ANKIB1: variants seen among roughly 807,000 people sequenced by gnomAD.
The protein encoded by ANKIB1 is ankyrin repeat and IBR domain containing 1, also known as ankyrin repeat and IBR domain-containing protein 1.
ANKIB1 carries 43 observed loss-of-function variants against 122.1 expected under a neutral mutation model. That is an observed-to-expected ratio of 0.35 (90% confidence interval 0.28 to 0.45). The LOEUF is 0.45. ANKIB1 is among the 20% of genes least tolerant of loss of function. The pLI is 1.00. For synonymous variants in ANKIB1, 390 were observed against 442.0 expected, an observed-to-expected ratio of 0.88 and a Z score of 1.48; for missense variants, 992 against 1,329.5, an observed-to-expected ratio of 0.75 and a Z score of 3.95.
At chr7:92,266,680 A>G (rs753631704) in intron 1 of ANKIB1, among the ~76,000 whole-genome samples, 7 of 152,084 alleles carry the variant, frequency 4.6e-5, no homozygotes, top group Non-Finnish European at 8.8e-5. Flanking sequence ...GGGGGAAAAA[A>G]CTGTAGACCT....
At chr7:92,296,323 A>G (rs1330062989) in intron 2 of ANKIB1, among the ~76,000 whole-genome samples, 1 of 151,906 alleles carries the variant, frequency 6.6e-6, no homozygotes, top group African/African-American at 2.4e-5. Flanking sequence ...TCTAGACTCA[A>G]GCTATCCTCC....
chr7:92,288,771 T>C (rs1472430104), intron 1 of ANKIB1, among the ~76,000 whole-genome samples: 2 of 152,134 alleles, frequency 1.3e-5, no homozygotes, highest in African/African-American at 2.4e-5. Context: ...ATGTTCGACA[T>C]CATTCATCAT....
intron 2 of ANKIB1, among the ~76,000 whole-genome samples, chr7:92,302,137 T>C (rs1216805208): frequency 1.3e-5 from 2 of 152,100 alleles, no homozygotes; most frequent in Non-Finnish European, 2.9e-5. Context: ...TTTCACTGTG[T>C]TGGCCAGGCT....
chr7:92,344,730 A>G (rs1295723850), intron 6 of ANKIB1, among the ~76,000 whole-genome samples: 1 of 152,194 alleles, frequency 6.6e-6, no homozygotes, highest in African/African-American at 2.4e-5. Context: ...ATTAATACAT[A>G]AATTTGGAAT....
chr7:92,350,956 G>T lies in ANKIB1; in HGVS notation c.1092G>T (p.Leu364Phe). Residue 364 changes from leucine (L) to phenylalanine (F), a missense_variant, in exon 8 of 20, where the codon TTG (leucine) becomes TTT (phenylalanine). Physicochemically the swap from Leu to Phe is conservative, Grantham distance 22. This residue lies in a region of ANKIB1 where 521 missense variants were observed against 777.7 expected (regional missense o/e 0.67). Transcript: ENST00000265742. ...DFCRGCWESF[L>F]NLKIQEGEAH... Reference sequence around the variant, plus strand: ...CATTGATCCATTTTAATAGGTTTTTGAATCTGAAAATTCAAGAAGGTGAAG... The same window carrying T: ...CATTGATCCATTTTAATAGGTTTTTTAATCTGAAAATTCAAGAAGGTGAAG... 1.9e-6 allele frequency: 3 copies of T among 1,603,608 alleles called. No individual in the cohort carries two copies. The highest frequency in any genetic ancestry group is 1.7e-5 in the Admixed American group (1 of 58,126).
At chr7:92,382,043 A>T (rs1585136096) in intron 11 of ANKIB1, among the ~76,000 whole-genome samples, 1 of 152,084 alleles carries the variant, frequency 6.6e-6, no homozygotes, top group Non-Finnish European at 1.5e-5. Flanking sequence ...AGGGATGGAG[A>T]AAGATCTACC....
intron 1 of ANKIB1, among the ~76,000 whole-genome samples, chr7:92,268,044 T>C (rs960553449): frequency 2.0e-5 from 3 of 152,200 alleles, no homozygotes; most frequent in Non-Finnish European, 4.4e-5. Flanking sequence ...GTTTGCAAAC[T>C]TAACTATGAG....
At chr7:92,261,743 G>A (rs1308303266) in intron 1 of ANKIB1, among the ~76,000 whole-genome samples, 1 of 152,138 alleles carries the variant, frequency 6.6e-6, no homozygotes, top group Non-Finnish European at 1.5e-5. Flanking sequence ...GAGGAGTTAG[G>A]TTCCACAGAA....
chr7:92,267,002 C>T (rs760319387), intron 1 of ANKIB1, among the ~76,000 whole-genome samples: 106 of 152,126 alleles, frequency 7.0e-4, no homozygotes, highest in Non-Finnish European at 2.5e-4. Flanking sequence ...ACAGTTGGCA[C>T]ACATGGGATA....
intron 3 of ANKIB1, 84 bp downstream of exon 3, chr7:92,307,740 T>G: frequency 9.2e-7 from 1 of 1,081,708 alleles, no homozygotes; most frequent in Non-Finnish European, 1.2e-6. Flanking sequence ...TTTTTTTTGA[T>G]TGTCTTAGTA....
intron 1 of ANKIB1, among the ~76,000 whole-genome samples, chr7:92,285,496 CTA>C (rs1802101877): frequency 6.6e-6 from 1 of 152,258 alleles, no homozygotes. Flanking sequence ...TTGTGAAACT[CTA>C]TGTGCACTAT....
intron 1 of ANKIB1, among the ~76,000 whole-genome samples, chr7:92,271,585 T>A (rs1801794596): frequency 1.3e-5 from 2 of 152,172 alleles, no homozygotes; most frequent in African/African-American, 2.4e-5. Context: ...AAAACTTTTT[T>A]AAAAGAATAT....
chr7:92,313,220 A>G (rs1228093790), intron 3 of ANKIB1, among the ~76,000 whole-genome samples: 1 of 152,178 alleles, frequency 6.6e-6, no homozygotes, highest in African/African-American at 2.4e-5. Flanking sequence ...GTCAGATCAA[A>G]TAGAGGTCAC....
At chr7:92,334,735 T>C (rs1238399813) in intron 5 of ANKIB1, among the ~76,000 whole-genome samples, 3 of 151,950 alleles carry the variant, frequency 2.0e-5, no homozygotes, top group African/African-American at 7.2e-5. Flanking sequence ...TATGATATTT[T>C]ATAATATACT....
At chr7:92,374,485 A>C (rs565888928) in intron 11 of ANKIB1, among the ~76,000 whole-genome samples, 105 of 152,194 alleles carry the variant, frequency 6.9e-4, no homozygotes, top group Non-Finnish European at 1.0e-3. Flanking sequence ...TATCAAAAAA[A>C]GAAAGAAAGA....
At chr7:92,366,719 A>G (rs1470307873) in intron 10 of ANKIB1, among the ~76,000 whole-genome samples, 2 of 152,156 alleles carry the variant, frequency 1.3e-5, no homozygotes, top group Non-Finnish European at 2.9e-5. Context: ...AATTAGAGTA[A>G]TACATCTCCC....
chr7:92,330,638 C>T (rs573259900), intron 5 of ANKIB1, among the ~76,000 whole-genome samples: 38 of 152,014 alleles, frequency 2.5e-4, no homozygotes, highest in African/African-American at 8.2e-4. Flanking sequence ...GTCAGGAGAT[C>T]GAGACTATCC....
chr7:92,368,268 A>C (rs1804143109), intron 10 of ANKIB1, among the ~76,000 whole-genome samples: 1 of 151,494 alleles, frequency 6.6e-6, no homozygotes, highest in South Asian at 2.1e-4. Flanking sequence ...TTTATTATGA[A>C]GTTAATACGT....
At chr7:92,304,442 T>A (rs28647645) in intron 2 of ANKIB1, among the ~76,000 whole-genome samples, 3,642 of 152,214 alleles carry the variant, frequency 0.024, 157 homozygotes, top group African/African-American at 0.084. Context: ...TAGAGATATT[T>A]AATACTAGAG....
Sources: allele counts gnomAD v4.1 joint callset (sites outside exome capture counted in the v4.1 genomes callset), GRCh38; gene constraint gnomAD v4.1.1; regional missense constraint gnomAD v4.1.1; transcripts MANE v1.5; gene names NCBI Gene and HGNC (gene_info 2026-07-23, HGNC 2026-07-21).